CSMD1: variants seen among roughly 807,000 people sequenced by gnomAD.
The protein encoded by CSMD1 is CUB and Sushi multiple domains 1, also known as CUB and sushi domain-containing protein 1.
Under a neutral mutation model 417.5 loss-of-function variants are expected in CSMD1, and 213 were observed. The ratio of observed to expected loss-of-function variants is 0.51; its 90% confidence interval spans 0.46 to 0.57. CSMD1 has a LOEUF of 0.57. CSMD1 is among the 20% of genes least tolerant of loss of function. CSMD1 has a pLI of 0.00. For missense variants in CSMD1, 6,923 were observed against 4,529.7 expected (o/e 1.53, Z -15.17); for synonymous variants, 2,862 against 1,736.8 (o/e 1.65, Z -16.11).
At chr8:3,615,165 AT>A (rs773346345) in intron 8 of CSMD1, among the ~76,000 whole-genome samples, 3 of 152,160 alleles carry the variant, frequency 2.0e-5, no homozygotes, top group Non-Finnish European at 4.4e-5. Flanking sequence ...TGCATTGCTA[AT>A]AACTGTTCAC....
At chr8:3,915,807 T>A (rs948066896) in intron 5 of CSMD1, among the ~76,000 whole-genome samples, 2 of 147,024 alleles carry the variant, frequency 1.4e-5, no homozygotes, top group Non-Finnish European at 3.0e-5. Flanking sequence ...ATTACCTTTA[T>A]CTAGTATGCA....
chr8:4,539,783 G>C (rs1445673794), intron 2 of CSMD1, among the ~76,000 whole-genome samples: 3 of 152,160 alleles, frequency 2.0e-5, no homozygotes, highest in Non-Finnish European at 4.4e-5. Flanking sequence ...CTTTCTGATA[G>C]TTTTAATCTG....
intron 2 of CSMD1, among the ~76,000 whole-genome samples, chr8:4,426,837 T>C (rs1441937020): frequency 6.6e-6 from 1 of 151,018 alleles, no homozygotes; most frequent in African/African-American, 2.4e-5. Context: ...TAGTATACTA[T>C]ATTATGTACT....
At chr8:3,237,762 A>G (rs193212286) in intron 26 of CSMD1, among the ~76,000 whole-genome samples, 1,372 of 105,984 alleles carry the variant, frequency 0.013, 252 homozygotes, top group East Asian at 0.055. Flanking sequence ...TATACTACAA[A>G]TATAATTTTT....
chr8:4,031,787 T>C (rs1218055627), intron 4 of CSMD1, 118 bp downstream of exon 4: 2 of 697,604 alleles, frequency 2.9e-6, no homozygotes, highest in Admixed American at 3.4e-5. Context: ...TGAGCTGACA[T>C]TGTAAGAGTC....
At chr8:3,456,540 G>A (rs74960896) in intron 12 of CSMD1, among the ~76,000 whole-genome samples, 2,462 of 152,222 alleles carry the variant, frequency 0.016, 76 homozygotes, top group East Asian at 0.13. Context: ...CTAAGTTGGC[G>A]CAGTTTTTCA....
chr8:4,508,854 G>C (rs775541980), intron 2 of CSMD1, among the ~76,000 whole-genome samples: 5 of 152,040 alleles, frequency 3.3e-5, no homozygotes, highest in Non-Finnish European at 5.9e-5. Context: ...TGGAATGTAA[G>C]CTTTCTGGAA....
intron 40 of CSMD1, among the ~76,000 whole-genome samples, chr8:3,147,385 C>A (rs751079746): frequency 6.6e-6 from 1 of 152,118 alleles, no homozygotes; most frequent in African/African-American, 2.4e-5. Flanking sequence ...CTTGTGAAAA[C>A]CTTTGTGCAT....
intron 10 of CSMD1, among the ~76,000 whole-genome samples, chr8:3,495,926 G>T (rs762778540): frequency 2.6e-5 from 4 of 151,990 alleles, no homozygotes; most frequent in Non-Finnish European, 4.4e-5. Flanking sequence ...CTTAAGTTCC[G>T]GGGTACATGG....
intron 3 of CSMD1, among the ~76,000 whole-genome samples, chr8:4,065,355 C>G (rs1391641170): frequency 6.6e-6 from 1 of 152,178 alleles, no homozygotes; most frequent in Non-Finnish European, 1.5e-5. Flanking sequence ...TCACCAAAGT[C>G]ATGGATAGTT....
Position 4,972,981 on chromosome 8 carries a change from ACTTT to A in CSMD1, c.85+21347_85+21350del, listed in dbSNP as rs547010021. 1.6e-4 allele frequency among the ~76,000 whole-genome samples: 24 copies of A among 152,216 alleles called. No homozygotes were observed. In the East Asian group the frequency reaches 2.7e-3, roughly 17 times the overall value. On this transcript the variant is annotated intron_variant, in intron 1 of 69. Coordinates refer to ENST00000635120, the MANE Select transcript of CSMD1 (RefSeq NM_033225.6). The stretch of plus-strand genomic sequence containing the variant: ...ATTTTAAAAATTAAAAATCACTTGG[ACTTT>A]CTGTGTGATTTGATCCCATCGTTTT...
intron 1 of CSMD1, among the ~76,000 whole-genome samples, chr8:4,841,930 A>AAAAAAAAAAAACAAAACAAAAC (rs1192383183): frequency 8.2e-6 from 1 of 122,426 alleles, no homozygotes; most frequent in Non-Finnish European, 1.7e-5. Context: ...AAAAAAAAAA[A>AAAAAAAAAAAACAAAACAAAAC]AAAAAAAAGT....
chr8:4,930,684 G>T (rs1807186426), intron 1 of CSMD1, among the ~76,000 whole-genome samples: 1 of 152,138 alleles, frequency 6.6e-6, no homozygotes, highest in African/African-American at 2.4e-5. Flanking sequence ...AGGTATCAAT[G>T]TTTAGGTCGT....
At chr8:4,003,310 G>A (rs111616796) in intron 4 of CSMD1, among the ~76,000 whole-genome samples, 1,861 of 152,082 alleles carry the variant, frequency 0.012, 42 homozygotes, top group African/African-American at 0.042. Flanking sequence ...GGAGAATGGT[G>A]TGAACCTGGG....
intron 5 of CSMD1, among the ~76,000 whole-genome samples, chr8:3,994,925 G>C (rs144231886): frequency 2.6e-5 from 4 of 152,190 alleles, no homozygotes; most frequent in African/African-American, 9.6e-5. Context: ...AAGATCATAT[G>C]TGTATCTGCC....
chr8:3,030,096 T>A (rs1222689985), intron 50 of CSMD1, among the ~76,000 whole-genome samples: 1 of 152,034 alleles, frequency 6.6e-6, no homozygotes, highest in Non-Finnish European at 1.5e-5. Flanking sequence ...ATTCATGTCC[T>A]TAGAAAAGGG....
rs191980946 is a variant in CSMD1 at position 3,148,709 on chromosome 8, G to A, written c.6031+2688C>T. ...TTTTCTCAGATTCTGCAAATTGCTC[G>A]AAAATGATTTAAGCCCTAGAAAGAA... On this transcript the variant is annotated intron_variant, in intron 40 of 69. Transcript: ENST00000635120. Among the ~76,000 whole-genome samples, 13 of 152,230 alleles carry A rather than the reference G, an allele frequency of 8.5e-5. No homozygotes were observed. In the South Asian group the frequency reaches 1.9e-3, roughly 22 times the overall value.
intron 1 of CSMD1, among the ~76,000 whole-genome samples, chr8:4,855,102 G>C (rs1158947317): frequency 6.6e-6 from 1 of 151,976 alleles, no homozygotes; most frequent in Non-Finnish European, 1.5e-5. Flanking sequence ...GTGGGTCCCT[G>C]ACCCCTGACC....
intron 6 of CSMD1, among the ~76,000 whole-genome samples, chr8:3,734,687 G>C (rs1487531352): frequency 3.9e-5 from 6 of 152,144 alleles, no homozygotes; most frequent in African/African-American, 7.2e-5. Flanking sequence ...CTCCAGCATG[G>C]GTGACAGAGT....
Sources: gnomAD v4.1 joint callset for allele counts (sites outside exome capture counted in the v4.1 genomes callset) on GRCh38, gnomAD v4.1.1 for gene constraint, MANE v1.5 for transcripts, NCBI Gene and HGNC (gene_info 2026-07-23, HGNC 2026-07-21) for gene names.